The following SLC4A10 variants were observed in gnomAD, a reference collection of about 807,000 sequenced individuals.
SLC4A10 encodes the protein solute carrier family 4 member 10.
A neutral mutation model predicts 137.7 loss-of-function variants in SLC4A10; 42 were observed. The ratio of observed to expected loss-of-function variants is 0.30; its 90% CI spans 0.24 to 0.39. The LOEUF is 0.39. Among genes scored for constraint, SLC4A10 ranks in the 10% least tolerant of loss-of-function variants. The pLI, the probability that SLC4A10 is intolerant of heterozygous loss-of-function variation, is 1.00. For missense variants in SLC4A10, 925 were observed against 1,355.0 expected, an observed-to-expected ratio of 0.68 and a Z score of 4.98; for synonymous variants, 474 against 464.1, an observed-to-expected ratio of 1.02 and a Z score of -0.27.
intron 1 of SLC4A10, among the ~76,000 whole-genome samples, chr2:161,688,654 G>T (rs918172433): frequency 6.6e-6 from 1 of 151,942 alleles, no homozygotes; most frequent in Admixed American, 6.6e-5. Context: ...TATCTCTTTT[G>T]GTGCCTTTAT....
rs1292370125 is a variant in SLC4A10 at position 161,932,849 on chromosome 2, CTAGA to C, written c.1998-9941_1998-9938del. Among the ~76,000 whole-genome samples the C allele has an allele frequency of 5.3e-5, 8 of 152,172 alleles. No homozygotes were observed. The South Asian group carries it at 8.4e-4, about 16-fold the overall frequency. On this transcript the variant is annotated intron_variant, in intron 15 of 26. Transcript: ENST00000446997. ...CTTGAGAGTTGGAGCTACAGTTGCT[CTAGA>C]TGTGTCTAGGTCTGATCTTTTCTCC... is the stretch of plus-strand genomic sequence containing the variant.
chr2:161,813,592 T>A (rs1337889518), intron 3 of SLC4A10, among the ~76,000 whole-genome samples: 1 of 152,146 alleles, frequency 6.6e-6, no homozygotes, highest in Admixed American at 6.6e-5. Flanking sequence ...TCATTCAAGT[T>A]CCATCTGCTT....
intron 6 of SLC4A10, among the ~76,000 whole-genome samples, chr2:161,863,537 A>G (rs1165343843): frequency 6.6e-6 from 1 of 152,226 alleles, no homozygotes; most frequent in Non-Finnish European, 1.5e-5. Context: ...AATGATTGAA[A>G]AGACCAGCCA....
chr2:161,947,831 C>T, intron 17 of SLC4A10, 104 bp downstream of exon 17: 2 of 1,273,300 alleles, frequency 1.6e-6, no homozygotes, highest in East Asian at 2.4e-5. Context: ...TGTGAGTGAG[C>T]TGCCAGGTTA....
At chr2:161,883,572 G>C (rs754058692) in intron 10 of SLC4A10, among the ~76,000 whole-genome samples, 1 of 152,122 alleles carries the variant, frequency 6.6e-6, no homozygotes, top group Non-Finnish European at 1.5e-5. Flanking sequence ...CTACAAATTG[G>C]GTGGTTTAAA....
At chr2:161,712,826 T>C (rs2044437100) in intron 1 of SLC4A10, among the ~76,000 whole-genome samples, 1 of 151,836 alleles carries the variant, frequency 6.6e-6, no homozygotes, top group Non-Finnish European at 1.5e-5. Flanking sequence ...TGCTGCTGTT[T>C]CCCCCAAATT....
At chr2:161,946,211 A>G (rs1478083932) in intron 16 of SLC4A10, among the ~76,000 whole-genome samples, 2 of 151,990 alleles carry the variant, frequency 1.3e-5, no homozygotes, top group African/African-American at 4.8e-5. Context: ...AACTTTGCCT[A>G]TCAAGGAAGA....
chr2:161,697,322 T>C (rs1198127673), intron 1 of SLC4A10, among the ~76,000 whole-genome samples: 1 of 152,212 alleles, frequency 6.6e-6, no homozygotes, highest in East Asian at 1.9e-4. Flanking sequence ...GGCTCCCATT[T>C]GTCAATTTTG....
intron 2 of SLC4A10, among the ~76,000 whole-genome samples, chr2:161,788,246 C>G (rs986567995): frequency 6.6e-6 from 1 of 151,694 alleles, no homozygotes; most frequent in African/African-American, 2.4e-5. Context: ...ATGTATTGGG[C>G]ATATGAGCCA....
intron 3 of SLC4A10, among the ~76,000 whole-genome samples, chr2:161,836,965 C>G (rs2058857448): frequency 6.6e-6 from 1 of 152,136 alleles, no homozygotes; most frequent in African/African-American, 2.4e-5. Context: ...ATTCTTTAGG[C>G]ATGAAAGTTA....
chr2:161,799,219 G>A (rs531399516), intron 2 of SLC4A10, among the ~76,000 whole-genome samples: 125 of 151,376 alleles, frequency 8.3e-4, no homozygotes, highest in African/African-American at 3.0e-3. Flanking sequence ...TAAATTTTTG[G>A]CCTTTATTTA....
chr2:161,921,508 G>C (rs1467788238), intron 15 of SLC4A10, among the ~76,000 whole-genome samples: 6 of 152,108 alleles, frequency 3.9e-5, no homozygotes, highest in Non-Finnish European at 8.8e-5. Context: ...ATGGTAATGG[G>C]AAGAAAGCAA....
At position 161,771,038 on chromosome 2, in the gene SLC4A10, G is replaced by T. The variant is rs1400244361; in HGVS notation, c.114G>T (p.Glu38Asp). Reference sequence around the variant, plus strand: ...GTTCTATTCTCAAAACACACTTTGAGAAAGAAGATTTAGAAGGTAAGACCA... The same window carrying T: ...GTTCTATTCTCAAAACACACTTTGATAAAGAAGATTTAGAAGGTAAGACCA... ...GTRSILKTHF[E>D]KEDLEGHRTL... Residue 38 changes from glutamate to aspartate, a missense_variant, in exon 2 of 27, where the codon GAG (glutamate) becomes GAT (aspartate). This residue lies in a region of SLC4A10 where 138 missense variants were observed against 171.3 expected (regional missense o/e 0.81). Transcript: ENST00000446997. The T allele has an allele frequency of 8.7e-6, 14 of 1,601,588 alleles. No individual in the cohort carries two copies. The highest frequency in any genetic ancestry group is 1.3e-5 in the African/African-American group (1 of 74,650).
chr2:161,649,245 C>T (rs1199113404), intron 1 of SLC4A10, among the ~76,000 whole-genome samples: 2 of 152,118 alleles, frequency 1.3e-5, no homozygotes, highest in Non-Finnish European at 2.9e-5. Flanking sequence ...CCTGTAGTCC[C>T]AGCTACTCGG....
At chr2:161,699,941 A>G (rs2042956272) in intron 1 of SLC4A10, among the ~76,000 whole-genome samples, 1 of 152,184 alleles carries the variant, frequency 6.6e-6, no homozygotes, top group South Asian at 2.1e-4. Context: ...ATGTAGATAG[A>G]TACTGTTATT....
intron 23 of SLC4A10, among the ~76,000 whole-genome samples, chr2:161,969,877 T>C (rs1698212172): frequency 6.6e-6 from 1 of 152,222 alleles, no homozygotes; most frequent in Non-Finnish European, 1.5e-5. Flanking sequence ...GCCAAATTAT[T>C]ACACAGACAA....
intron 1 of SLC4A10, among the ~76,000 whole-genome samples, chr2:161,725,448 T>A (rs2046113010): frequency 6.6e-6 from 1 of 152,202 alleles, no homozygotes; most frequent in South Asian, 2.1e-4. Flanking sequence ...TGTAATTATA[T>A]GCAACACTGA....
chr2:161,866,193 G>A (rs529165722), intron 6 of SLC4A10, among the ~76,000 whole-genome samples: 1 of 152,118 alleles, frequency 6.6e-6, no homozygotes, highest in East Asian at 1.9e-4. Flanking sequence ...TGTGTCTTGA[G>A]CATGTTACCT....
intron 2 of SLC4A10, among the ~76,000 whole-genome samples, chr2:161,775,296 T>C (rs1012297358): frequency 4.6e-5 from 7 of 151,736 alleles, no homozygotes; most frequent in African/African-American, 1.7e-4. Context: ...ATCTGGAAAA[T>C]ATATTTTTCT....
Sources: gnomAD v4.1 joint callset for allele counts (sites outside exome capture counted in the v4.1 genomes callset) on GRCh38, gnomAD v4.1.1 for gene constraint, gnomAD v4.1.1 regional missense constraint, MANE v1.5 for transcripts, NCBI Gene and HGNC (gene_info 2026-07-23, HGNC 2026-07-21) for gene names.